The following CERS3 variants were observed in gnomAD, a reference collection of about 807,000 sequenced individuals.
The protein encoded by CERS3 is ceramide synthase 3.
CERS3 carries 33 observed loss-of-function variants against 50.3 expected under a neutral mutation model. The ratio of observed to expected loss-of-function variants is 0.66; its 90% CI spans 0.50 to 0.88. The LOEUF is 0.88. Among genes scored for constraint, CERS3 ranks in the 40% least tolerant of loss-of-function variants. The pLI, the probability that CERS3 is intolerant of heterozygous loss-of-function variation, is 0.00. For synonymous variants in CERS3, 176 were observed against 155.2 expected, an observed-to-expected ratio of 1.13 and a Z score of -0.99; for missense variants, 470 against 460.3, an observed-to-expected ratio of 1.02 and a Z score of -0.19.
At chr15:100,476,248 C>T in intron 7 of CERS3, 70 bp from the exon 8 acceptor site, 1 of 927,374 alleles carries the variant, frequency 1.1e-6, no homozygotes, top group Non-Finnish European at 1.6e-6. Context: ...TGCACTAAAA[C>T]CTCCTTTTAT....
intron 2 of CERS3, among the ~76,000 whole-genome samples, chr15:100,504,778 G>A (rs2036127559): frequency 6.6e-6 from 1 of 152,174 alleles, no homozygotes; most frequent in Non-Finnish European, 1.5e-5. Flanking sequence ...AGAGCTGTTA[G>A]GAAGGAAGAA....
intron 1 of CERS3, among the ~76,000 whole-genome samples, chr15:100,538,715 C>A (rs961538337): frequency 1.3e-5 from 2 of 152,234 alleles, no homozygotes; most frequent in Non-Finnish European, 1.5e-5. Flanking sequence ...GCTGTTAAGA[C>A]CCCTGACATG....
At chr15:100,492,976 G>T (rs143460695) in intron 3 of CERS3, among the ~76,000 whole-genome samples, 1 of 151,978 alleles carries the variant, frequency 6.6e-6, no homozygotes, top group East Asian at 1.9e-4. Flanking sequence ...TCCATTCCCC[G>T]TCCCCTTCTT....
At chr15:100,490,664 G>A in intron 4 of CERS3, 153 bp downstream of exon 4, 1 of 595,358 alleles carries the variant, frequency 1.7e-6, no homozygotes, top group Non-Finnish European at 3.0e-6. Flanking sequence ...TTCTAAACCT[G>A]TCAACAGAAC....
intron 11 of CERS3, among the ~76,000 whole-genome samples, chr15:100,427,919 G>A (rs981252395): frequency 6.6e-6 from 1 of 152,160 alleles, no homozygotes; most frequent in Non-Finnish European, 1.5e-5. Flanking sequence ...GTCAGGTGGT[G>A]AAAAAAGCAA....
intron 2 of CERS3, among the ~76,000 whole-genome samples, chr15:100,506,263 T>A (rs1418784031): frequency 6.6e-6 from 1 of 151,916 alleles, no homozygotes; most frequent in Non-Finnish European, 1.5e-5. Flanking sequence ...TGACGAATAA[T>A]CCAGTTTAAA....
chr15:100,526,143 G>A (rs2036782026), intron 1 of CERS3, among the ~76,000 whole-genome samples: 1 of 152,238 alleles, frequency 6.6e-6, no homozygotes, highest in African/African-American at 2.4e-5. Flanking sequence ...CTTGATGCCA[G>A]CTGGCCTACT....
rs567666687 is a variant in CERS3, at chr15:100,496,415, G to C, written c.173+5262C>G. Among the ~76,000 whole-genome samples the C allele has an allele frequency of 2.0e-5, 3 of 152,234 alleles. No homozygotes were observed. The East Asian group carries it at 5.8e-4, about 29-fold the overall frequency. ...CTTAAAAGCATTAAGCTTAATGAAA[G>C]AAGTCGAACACAAAAGACCATAATC... On this transcript the variant is annotated intron_variant, in intron 3 of 11. Coordinates refer to ENST00000679737, the MANE Select transcript of CERS3 (RefSeq NM_001378789.1).
At chr15:100,494,421 T>C (rs927855706) in intron 3 of CERS3, among the ~76,000 whole-genome samples, 1 of 151,314 alleles carries the variant, frequency 6.6e-6, no homozygotes, top group Non-Finnish European at 1.5e-5. Flanking sequence ...CTAATTTTTT[T>C]TATTTTTAGT....
intron 11 of CERS3, among the ~76,000 whole-genome samples, chr15:100,404,520 A>G (rs1226501791): frequency 6.6e-6 from 1 of 152,212 alleles, no homozygotes; most frequent in East Asian, 1.9e-4. Context: ...GAATTGGAAG[A>G]CTGAACATAA....
chr15:100,478,334 A>G (rs2142262005), intron 7 of CERS3, among the ~76,000 whole-genome samples: 1 of 152,308 alleles, frequency 6.6e-6, no homozygotes, highest in Non-Finnish European at 1.5e-5. Context: ...GAAGTGTCTG[A>G]CATTTTACCC....
chr15:100,518,842 G>C (rs1394697306), intron 2 of CERS3, among the ~76,000 whole-genome samples: 1 of 152,160 alleles, frequency 6.6e-6, no homozygotes. Context: ...AATGCTTTCT[G>C]TAAGACTTAT....
chr15:100,506,331 A>G (rs894771249), intron 2 of CERS3, among the ~76,000 whole-genome samples: 1 of 152,200 alleles, frequency 6.6e-6, no homozygotes, highest in African/African-American at 2.4e-5. Flanking sequence ...ATGGCCAATA[A>G]GCACATGAAA....
chr15:100,537,910 C>G (rs59137120), intron 1 of CERS3, among the ~76,000 whole-genome samples: 323 of 152,302 alleles, frequency 2.1e-3, no homozygotes, highest in African/African-American at 7.4e-3. Flanking sequence ...ATCTATGAGC[C>G]TGTAAAATCA....
intron 11 of CERS3, among the ~76,000 whole-genome samples, chr15:100,415,089 G>GA (rs2031795877): frequency 1.3e-5 from 2 of 151,712 alleles, no homozygotes; most frequent in Middle Eastern, 3.4e-3. Flanking sequence ...AAATTTACAA[G>GA]AAAAAAACAA....
At chr15:100,527,888 T>TTCTC (rs1555536332) in intron 1 of CERS3, among the ~76,000 whole-genome samples, 3 of 151,660 alleles carry the variant, frequency 2.0e-5, no homozygotes, top group Admixed American at 6.6e-5. Flanking sequence ...TTAAAGAACT[T>TTCTC]TTTATCCAGA....
chr15:100,510,662 G>A (rs1375520001), intron 2 of CERS3, among the ~76,000 whole-genome samples: 1 of 152,182 alleles, frequency 6.6e-6, no homozygotes, highest in African/African-American at 2.4e-5. Flanking sequence ...TGACATAGGG[G>A]TGGAATTGAT....
chr15:100,532,556 A>G (rs1370011586), upstream of CERS3, among the ~76,000 whole-genome samples: 1 of 152,110 alleles, frequency 6.6e-6, no homozygotes, highest in Non-Finnish European at 1.5e-5. Context: ...GCTTGCGTCC[A>G]AGAGTTCAAG....
chr15:100,426,670 G>A (rs935020919), intron 11 of CERS3, among the ~76,000 whole-genome samples: 3 of 152,206 alleles, frequency 2.0e-5, no homozygotes, highest in African/African-American at 7.2e-5. Context: ...ATTGAATACT[G>A]TATAACTGTA....
Sources: allele counts gnomAD v4.1 joint callset (sites outside exome capture counted in the v4.1 genomes callset), GRCh38; gene constraint gnomAD v4.1.1; transcripts MANE v1.5; gene names NCBI Gene and HGNC (gene_info 2026-07-23, HGNC 2026-07-21).